Variants in GAS7 observed in about 807,000 individuals in gnomAD.
The protein encoded by GAS7 is growth arrest specific 7, also known as growth arrest-specific protein 7.
GAS7 carries 28 observed loss-of-function variants against 71.1 expected under a neutral mutation model. The observed-to-expected ratio is 0.39, with a 90% CI of 0.29 to 0.54. The LOEUF is 0.54. Among genes scored for constraint, GAS7 ranks in the 20% least tolerant of loss-of-function variants. The pLI is 0.62. For missense variants in GAS7, 436 were observed against 627.8 expected (o/e 0.69, Z 3.27); for synonymous variants, 258 against 245.8 (o/e 1.05, Z -0.46).
At chr17:10,115,889 G>A (rs1176194854) in intron 1 of GAS7, among the ~76,000 whole-genome samples, 1 of 152,116 alleles carries the variant, frequency 6.6e-6, no homozygotes, top group African/African-American at 2.4e-5. Context: ...GCTGTCCCTG[G>A]GGGTGGCAGT....
intron 1 of GAS7, among the ~76,000 whole-genome samples, chr17:10,117,192 C>A (rs568605746): frequency 5.9e-5 from 9 of 152,100 alleles, no homozygotes; most frequent in African/African-American, 2.2e-4. Flanking sequence ...CCCTGGCTTT[C>A]GGCCCCTTCC....
intron 1 of GAS7, among the ~76,000 whole-genome samples, chr17:10,035,053 C>T (rs1220487822): frequency 2.0e-5 from 3 of 151,992 alleles, no homozygotes; most frequent in East Asian, 1.9e-4. Context: ...AGCTTGGGGG[C>T]AGCCCACCAA....
intron 1 of GAS7, among the ~76,000 whole-genome samples, chr17:10,128,161 G>A (rs905423226): frequency 5.9e-5 from 9 of 152,240 alleles, no homozygotes; most frequent in East Asian, 1.9e-4. Flanking sequence ...CAGCAGTTCC[G>A]GGGCGGCTCC....
intron 5 of GAS7, among the ~76,000 whole-genome samples, chr17:9,956,133 A>C (rs560286744): frequency 2.0e-5 from 3 of 152,216 alleles, no homozygotes; most frequent in Admixed American, 6.5e-5. Context: ...CTGGCCCAGC[A>C]GGAGCCTGTG....
chr17:10,115,420 T>G (rs2073852149), intron 1 of GAS7, among the ~76,000 whole-genome samples: 1 of 152,072 alleles, frequency 6.6e-6, no homozygotes, highest in Non-Finnish European at 1.5e-5. Context: ...TGTCACCTCC[T>G]CCCCAACTCA....
intron 5 of GAS7, among the ~76,000 whole-genome samples, chr17:9,954,287 G>A (rs2069137812): frequency 6.6e-6 from 1 of 152,152 alleles, no homozygotes; most frequent in African/African-American, 2.4e-5. Context: ...CTGAGAGGGG[G>A]TCTTGCAGGG....
At chr17:9,975,972 C>A (rs1448207093) in intron 3 of GAS7, among the ~76,000 whole-genome samples, 1 of 144,568 alleles carries the variant, frequency 6.9e-6, no homozygotes, top group Non-Finnish European at 1.6e-5. Flanking sequence ...CAGCCTCCTT[C>A]CTCCCACCAC....
intron 1 of GAS7, among the ~76,000 whole-genome samples, chr17:10,153,303 C>T (rs2074181485): frequency 6.6e-6 from 1 of 151,764 alleles, no homozygotes; most frequent in Non-Finnish European, 1.5e-5. Flanking sequence ...AATTCAAGAC[C>T]AGCCTGGCCA....
chr17:10,109,833 A>C (rs920751277), intron 1 of GAS7, among the ~76,000 whole-genome samples: 1 of 152,096 alleles, frequency 6.6e-6, no homozygotes. Flanking sequence ...AGGCGGGTGG[A>C]TCATGAGGTC....
chr17:10,128,767 C>G (rs1278409843), intron 1 of GAS7, among the ~76,000 whole-genome samples: 1 of 151,802 alleles, frequency 6.6e-6, no homozygotes, highest in Non-Finnish European at 1.5e-5. Flanking sequence ...TTACAGGCGC[C>G]CACCACCGCG....
chr17:10,152,675 C>G (rs1217356286), intron 1 of GAS7, among the ~76,000 whole-genome samples: 4 of 152,182 alleles, frequency 2.6e-5, no homozygotes, highest in Non-Finnish European at 5.9e-5. Flanking sequence ...GGAGACGCAG[C>G]CTTCAAGGCC....
chr17:10,102,006 A>C (rs907651943), intron 1 of GAS7, among the ~76,000 whole-genome samples: 1 of 152,094 alleles, frequency 6.6e-6, no homozygotes, highest in African/African-American at 2.4e-5. Context: ...AATAGTGCCC[A>C]TGCATAAGGT....
At chr17:10,097,258 A>G (rs1470299764) in intron 1 of GAS7, among the ~76,000 whole-genome samples, 1 of 152,296 alleles carries the variant, frequency 6.6e-6, no homozygotes, top group African/African-American at 2.4e-5. Flanking sequence ...GCAAGCTCCT[A>G]TGGCAGTGGT....
chr17:9,971,772 G>T (rs1396311057), intron 3 of GAS7, among the ~76,000 whole-genome samples: 5 of 152,192 alleles, frequency 3.3e-5, no homozygotes, highest in Non-Finnish European at 5.9e-5. Flanking sequence ...TCCAACTCAT[G>T]ATTCTTCTAG....
At chr17:9,942,247 C>T (rs1035101505) in intron 7 of GAS7, among the ~76,000 whole-genome samples, 1 of 151,044 alleles carries the variant, frequency 6.6e-6, no homozygotes, top group African/African-American at 2.4e-5. Context: ...GAGCGAGACT[C>T]TGTCTAAAAG....
chr17:10,073,242 A>T lies in GAS7; in HGVS notation c.184-53345T>A, dbSNP rs185488862. ...CGGAGAAACAAGAAAATGAGGGCAG[A>T]TGTAATCACTATGCAGGTACCTCAG... On this transcript the variant is annotated intron_variant, in intron 1 of 13. Transcript: ENST00000432992. 3.8e-3 allele frequency among the ~76,000 whole-genome samples: 574 copies of T among 152,304 alleles called. 2 individuals are homozygous for T. Among genetic ancestry groups the T allele is most frequent in the African/African-American group, 0.013 (522 of 41,572 alleles).
chr17:10,048,166 G>A (rs1388215531), intron 1 of GAS7, among the ~76,000 whole-genome samples: 1 of 152,172 alleles, frequency 6.6e-6, no homozygotes, highest in Non-Finnish European at 1.5e-5. Flanking sequence ...GCCAGGCATG[G>A]TGGTGCGCAC....
At chr17:9,943,313 C>A (rs1024104336) in intron 6 of GAS7, 77 bp from the exon 7 acceptor site, 1 of 870,426 alleles carries the variant, frequency 1.1e-6, no homozygotes, top group East Asian at 2.4e-5. Flanking sequence ...AGAGGGAGGA[C>A]GGCTCCTAGA....
intron 4 of GAS7, among the ~76,000 whole-genome samples, chr17:9,962,827 C>T (rs1011747060): frequency 6.6e-6 from 1 of 152,216 alleles, no homozygotes; most frequent in East Asian, 1.9e-4. Context: ...GCACCTTAAC[C>T]GAGAGTGCAA....
Sources: gnomAD v4.1 joint callset for allele counts (sites outside exome capture counted in the v4.1 genomes callset) on GRCh38, gnomAD v4.1.1 for gene constraint, MANE v1.5 for transcripts, NCBI Gene and HGNC (gene_info 2026-07-23, HGNC 2026-07-21) for gene names.